Variants in SPSB4 observed in about 807,000 individuals in gnomAD.
The protein encoded by SPSB4 is SPRY domain-containing SOCS box protein 4.
Under a neutral mutation model 20.9 loss-of-function variants are expected in SPSB4, and 21 were observed. The observed-to-expected ratio is 1.01, with a 90% CI of 0.71 to 1.45. The LOEUF is 1.45. Ranked by LOEUF, SPSB4 falls within the 40% of genes most tolerant of loss-of-function variation. SPSB4 has a pLI of 0.00. For synonymous variants in SPSB4, 207 were observed against 183.8 expected (o/e 1.13, Z -1.02); for missense variants, 399 against 399.2 (o/e 1.00, Z 0.00).
chr3:141,117,965 C>T (rs757625530), intron 2 of SPSB4, among the ~76,000 whole-genome samples: 16 of 152,170 alleles, frequency 1.1e-4, no homozygotes, highest in East Asian at 1.9e-4. Context: ...AATAAACATA[C>T]GTGTGCATGT....
chr3:141,100,363 A>G (rs1273888273), intron 2 of SPSB4, among the ~76,000 whole-genome samples: 1 of 152,176 alleles, frequency 6.6e-6, no homozygotes, highest in Non-Finnish European at 1.5e-5. Context: ...TGGAAAGGGG[A>G]AATTTGGACA....
intron 2 of SPSB4, among the ~76,000 whole-genome samples, chr3:141,140,838 C>T (rs112665989): frequency 0.028 from 4,212 of 152,292 alleles, 201 homozygotes; most frequent in African/African-American, 0.097. Context: ...GCTGGGAGAA[C>T]CACTACTCTC....
chr3:141,113,876 G>A (rs180841433), intron 2 of SPSB4, among the ~76,000 whole-genome samples: 8 of 152,324 alleles, frequency 5.3e-5, no homozygotes, highest in Admixed American at 3.9e-4. Flanking sequence ...CGGGCAGATC[G>A]CTTGAGTCCA....
chr3:141,139,921 CAG>C (rs1442494402), intron 2 of SPSB4, among the ~76,000 whole-genome samples: 1 of 152,162 alleles, frequency 6.6e-6, no homozygotes, highest in African/African-American at 2.4e-5. Context: ...TAATATCCTG[CAG>C]AGTGTTTTCC....
At chr3:141,100,716 G>T (rs1467737084) in intron 2 of SPSB4, among the ~76,000 whole-genome samples, 5 of 152,204 alleles carry the variant, frequency 3.3e-5, no homozygotes, top group South Asian at 4.1e-4. Flanking sequence ...GGAATGACTT[G>T]TCATGGTGGC....
intron 2 of SPSB4, among the ~76,000 whole-genome samples, chr3:141,112,816 A>C (rs1243162545): frequency 2.0e-5 from 3 of 152,216 alleles, no homozygotes; most frequent in Non-Finnish European, 4.4e-5. Flanking sequence ...ATGGGGCAGC[A>C]GAGCCCATGG....
intron 2 of SPSB4, among the ~76,000 whole-genome samples, chr3:141,136,244 A>G (rs566794597): frequency 6.6e-6 from 1 of 152,178 alleles, no homozygotes; most frequent in Admixed American, 6.5e-5. Context: ...TATTAGCCCT[A>G]TGTCAGATGA....
At chr3:141,129,865 G>A (rs1331894650) in intron 2 of SPSB4, among the ~76,000 whole-genome samples, 1 of 152,258 alleles carries the variant, frequency 6.6e-6, no homozygotes, top group African/African-American at 2.4e-5. Flanking sequence ...CTCTGCACAA[G>A]AAGTAACTTG....
chr3:141,104,084 G>T (rs1056354363), intron 2 of SPSB4, among the ~76,000 whole-genome samples: 2 of 152,162 alleles, frequency 1.3e-5, no homozygotes, highest in African/African-American at 4.8e-5. Context: ...AATAATACCA[G>T]CATTAAACTA....
intron 2 of SPSB4, among the ~76,000 whole-genome samples, chr3:141,113,866 C>T (rs886118901): frequency 1.6e-4 from 24 of 152,266 alleles, no homozygotes; most frequent in East Asian, 1.9e-4. Flanking sequence ...GAGGCCAAGG[C>T]GGGCAGATCG....
chr3:141,142,630 C>T lies in SPSB4; in HGVS notation c.695-4512C>T, dbSNP rs116682205. 6.5e-3 allele frequency among the ~76,000 whole-genome samples: 990 copies of T among 152,172 alleles called. 12 individuals carry two copies. The highest frequency in any genetic ancestry group is 0.023 in the African/African-American group (951 of 41,510). The stretch of plus-strand genomic sequence containing the variant: ...GTCTTGGTGAACTGTCTAGTGCTGT[C>T]AGTGGAGCATTGAAGTCCCCCACTA... On this transcript the variant is annotated intron_variant, in intron 2 of 2. Coordinates refer to ENST00000310546, the MANE Select transcript of SPSB4 (RefSeq NM_080862.3).
intron 2 of SPSB4, among the ~76,000 whole-genome samples, chr3:141,134,221 C>A (rs1023173774): frequency 2.0e-5 from 3 of 151,658 alleles, no homozygotes; most frequent in Non-Finnish European, 2.9e-5. Flanking sequence ...TTAGATGAGT[C>A]TTTAGGGTTT....
intron 2 of SPSB4, among the ~76,000 whole-genome samples, chr3:141,082,618 G>GCTATGTAT (rs113189039): frequency 0.019 from 2,821 of 146,384 alleles, 26 homozygotes; most frequent in South Asian, 0.065. Context: ...CAACCCAGGT[G>GCTATGTAT]CTATCTATCT....
At chr3:141,101,616 G>T (rs1938613576) in intron 2 of SPSB4, among the ~76,000 whole-genome samples, 1 of 152,116 alleles carries the variant, frequency 6.6e-6, no homozygotes, top group African/African-American at 2.4e-5. Context: ...TAATAGAATG[G>T]GTATAAACTG....
intron 2 of SPSB4, among the ~76,000 whole-genome samples, chr3:141,083,782 T>G (rs1938285943): frequency 6.6e-6 from 1 of 152,140 alleles, no homozygotes; most frequent in African/African-American, 2.4e-5. Flanking sequence ...TTTGCGGTGG[T>G]GAAGGGGGTC....
At chr3:141,075,868 G>A (rs1351250306) in intron 2 of SPSB4, among the ~76,000 whole-genome samples, 97 of 118,426 alleles carry the variant, frequency 8.2e-4, no homozygotes, top group Non-Finnish European at 1.2e-4. Flanking sequence ...CCAACACGAC[G>A]AAACCCTGTC....
At chr3:141,113,772 A>G (rs1424727868) in intron 2 of SPSB4, among the ~76,000 whole-genome samples, 2 of 152,230 alleles carry the variant, frequency 1.3e-5, no homozygotes, top group Non-Finnish European at 2.9e-5. Context: ...CTGTGAATGT[A>G]TTAAATGCCA....
chr3:141,058,047 G>A (rs1035741120), intron 1 of SPSB4, among the ~76,000 whole-genome samples: 2 of 152,134 alleles, frequency 1.3e-5, no homozygotes, highest in Non-Finnish European at 2.9e-5. Flanking sequence ...CCCACCTCTG[G>A]CTCCAGCAAG....
chr3:141,138,611 G>T (rs1939270480), intron 2 of SPSB4, among the ~76,000 whole-genome samples: 1 of 152,184 alleles, frequency 6.6e-6, no homozygotes, highest in Non-Finnish European at 1.5e-5. Context: ...TCATTCAGGA[G>T]CAGGTTGTTC....
Sources: gnomAD v4.1 joint callset for allele counts (sites outside exome capture counted in the v4.1 genomes callset) on GRCh38, gnomAD v4.1.1 for gene constraint, MANE v1.5 for transcripts, NCBI Gene and HGNC (gene_info 2026-07-23, HGNC 2026-07-21) for gene names.